Variants in ANO1 observed in about 807,000 individuals in gnomAD.
The protein encoded by ANO1 is anoctamin-1.
Under a neutral mutation model 124.0 loss-of-function variants are expected in ANO1, and 59 were observed. The observed-to-expected ratio is 0.48, with a 90% confidence interval of 0.39 to 0.59. ANO1 has a LOEUF of 0.59. Among genes scored for constraint, ANO1 ranks in the 20% least tolerant of loss-of-function variants. The probability of loss-of-function intolerance (pLI) is 0.00; values close to 1 mark genes in which losing one functional copy is unlikely to be tolerated. For missense variants in ANO1, 1,059 were observed against 1,328.0 expected (o/e 0.80, Z 3.15); for synonymous variants, 529 against 532.0 (o/e 0.99, Z 0.08).
At chr11:69,976,830 G>A in the ANO1 span, among the ~76,000 whole-genome samples, 24 of 152,324 alleles carry the variant, frequency 1.6e-4, no homozygotes, top group Non-Finnish European at 2.6e-4. Context: ...TGACCGGCCC[G>A]GGCCATGACA....
intron 12 of ANO1, 129 bp from the exon 13 acceptor site, chr11:70,152,321 C>G: frequency 1.2e-6 from 1 of 843,534 alleles, no homozygotes; most frequent in Non-Finnish European, 1.7e-6. Context: ...CTCAATAGAG[C>G]AAGACTCCAT....
At chr11:70,146,924 G>T (rs557574915) in intron 11 of ANO1, among the ~76,000 whole-genome samples, 1 of 152,182 alleles carries the variant, frequency 6.6e-6, no homozygotes, top group Non-Finnish European at 1.5e-5. Flanking sequence ...CAGAGGGGAT[G>T]GTGCCCACCC....
At chr11:70,096,035 G>C (rs936380498) in intron 2 of ANO1, among the ~76,000 whole-genome samples, 1 of 152,170 alleles carries the variant, frequency 6.6e-6, no homozygotes, top group African/African-American at 2.4e-5. Flanking sequence ...CTAATCCCAA[G>C]CTGAGTGGGC....
At chr11:70,140,392 G>A (rs112218832) in intron 11 of ANO1, among the ~76,000 whole-genome samples, 3 of 152,152 alleles carry the variant, frequency 2.0e-5, no homozygotes, top group African/African-American at 4.8e-5. Context: ...TTAGCCGAGC[G>A]TGGTGGCAGG....
intron 1 of ANO1, among the ~76,000 whole-genome samples, chr11:70,024,809 C>G (rs1254939724): frequency 6.7e-6 from 1 of 149,754 alleles, no homozygotes; most frequent in Non-Finnish European, 1.5e-5. Context: ...GCTGCCTCCC[C>G]TGAAAGGAGG....
intron 1 of ANO1, among the ~76,000 whole-genome samples, chr11:70,049,578 A>T (rs1469465247): frequency 1.4e-5 from 2 of 142,500 alleles, no homozygotes; most frequent in African/African-American, 5.1e-5. Flanking sequence ...GGGATGGAGG[A>T]TAAATGCTAA....
chr11:69,989,689 C>T (rs1856117146), intron 1 of ANO1, among the ~76,000 whole-genome samples: 1 of 152,108 alleles, frequency 6.6e-6, no homozygotes, highest in Non-Finnish European at 1.5e-5. Flanking sequence ...CTCTGGCTGT[C>T]CTACAGAGAA....
intron 1 of ANO1, among the ~76,000 whole-genome samples, chr11:70,061,069 G>A (rs558494793): frequency 1.3e-5 from 2 of 152,280 alleles, no homozygotes; most frequent in Admixed American, 6.5e-5. Context: ...TTGTTGTTTG[G>A]TGGTGGAGAT....
intron 1 of ANO1, among the ~76,000 whole-genome samples, chr11:70,049,731 G>GT (rs1316549900): frequency 6.7e-6 from 1 of 150,250 alleles, no homozygotes; most frequent in African/African-American, 2.4e-5. Context: ...TTTTGTTTTT[G>GT]TTTTTTTGAG....
chr11:70,019,861 C>A (rs974871118), intron 1 of ANO1, among the ~76,000 whole-genome samples: 1 of 152,240 alleles, frequency 6.6e-6, no homozygotes, highest in Non-Finnish European at 1.5e-5. Flanking sequence ...GTCCCACGCA[C>A]GTCTTCACTG....
intron 1 of ANO1, among the ~76,000 whole-genome samples, chr11:70,020,453 C>A (rs916272327): frequency 1.3e-5 from 2 of 152,214 alleles, no homozygotes; most frequent in Admixed American, 1.3e-4. Context: ...CTCCCCCAGC[C>A]CCTGGGGCTC....
intron 1 of ANO1, among the ~76,000 whole-genome samples, chr11:70,059,499 G>A (rs1449057554): frequency 1.3e-5 from 2 of 152,176 alleles, no homozygotes; most frequent in African/African-American, 4.8e-5. Context: ...TCCGATGAAG[G>A]TGTTGATCCA....
At chr11:69,982,282 C>T (rs1293141603), upstream of ANO1, among the ~76,000 whole-genome samples, 4 of 152,212 alleles carry the variant, frequency 2.6e-5, no homozygotes, top group African/African-American at 9.7e-5. Flanking sequence ...CCACCTGAAC[C>T]TGCTACACTG....
intron 1 of ANO1, among the ~76,000 whole-genome samples, chr11:70,036,051 T>C (rs1171510280): frequency 1.3e-5 from 2 of 151,992 alleles, no homozygotes; most frequent in East Asian, 1.9e-4. Flanking sequence ...GCTGTAGGAG[T>C]CTCCTGAGAC....
the ANO1 span, among the ~76,000 whole-genome samples, chr11:69,976,325 C>G: frequency 4.9e-3 from 738 of 151,882 alleles, 10 homozygotes; most frequent in African/African-American, 0.016. Context: ...CTGGCTAACA[C>G]GGTGAAACCC....
intron 16 of ANO1, among the ~76,000 whole-genome samples, chr11:70,160,408 G>A (rs2047998259): frequency 6.6e-6 from 1 of 152,178 alleles, no homozygotes; most frequent in Non-Finnish European, 1.5e-5. Context: ...ACAGAGGTGT[G>A]TGGAACAATC....
At chr11:70,012,323 C>T (rs1300840534) in intron 1 of ANO1, among the ~76,000 whole-genome samples, 4 of 151,488 alleles carry the variant, frequency 2.6e-5, no homozygotes, top group South Asian at 2.1e-4. Flanking sequence ...TCTATCCATC[C>T]GTTATTCCAT....
intron 22 of ANO1, among the ~76,000 whole-genome samples, chr11:70,176,333 T>G (rs2048695638): frequency 6.6e-6 from 1 of 151,960 alleles, no homozygotes; most frequent in Non-Finnish European, 1.5e-5. Context: ...TTTTAGTAGA[T>G]ACAAGGTTTC....
intron 8 of ANO1, among the ~76,000 whole-genome samples, chr11:70,122,012 G>C (rs11234814): frequency 1.6e-5 from 2 of 121,810 alleles, no homozygotes; most frequent in Non-Finnish European, 3.4e-5. Flanking sequence ...CTCTGTCTCT[G>C]TCTCTCTCTC....
Sources: gnomAD v4.1 joint callset for allele counts (sites outside exome capture counted in the v4.1 genomes callset) on GRCh38, gnomAD v4.1.1 for gene constraint, MANE v1.5 for transcripts, NCBI Gene and HGNC (gene_info 2026-07-23, HGNC 2026-07-21) for gene names.